Variants in MEGF9 observed in about 807,000 individuals in gnomAD.
MEGF9 encodes the protein multiple EGF like domains 9.
A neutral mutation model predicts 46.8 loss-of-function variants in MEGF9; 6 were observed. The observed-to-expected ratio is 0.13, with a 90% CI of 0.07 to 0.25. The LOEUF (loss-of-function observed/expected upper bound fraction) is 0.25. Ranked by LOEUF, MEGF9 falls within the 10% of genes least tolerant of loss-of-function variation. The pLI is 1.00. For missense variants in MEGF9, 683 were observed against 792.4 expected (o/e 0.86, Z 1.66); for synonymous variants, 302 against 330.7 (o/e 0.91, Z 0.94).
At chr9:120,693,972 G>A (rs996544452) in intron 1 of MEGF9, among the ~76,000 whole-genome samples, 31 of 152,234 alleles carry the variant, frequency 2.0e-4, no homozygotes, top group Middle Eastern at 3.4e-3. Context: ...AGCAGTATGT[G>A]AGGATGTACT....
intron 2 of MEGF9, among the ~76,000 whole-genome samples, chr9:120,645,737 T>C (rs1377997721): frequency 6.6e-6 from 1 of 152,202 alleles, no homozygotes; most frequent in Non-Finnish European, 1.5e-5. Flanking sequence ...CCAATATCTA[T>C]TGTTTGCTAC....
intron 2 of MEGF9, among the ~76,000 whole-genome samples, chr9:120,657,757 T>C (rs1308655207): frequency 3.3e-5 from 5 of 152,166 alleles, no homozygotes; most frequent in Middle Eastern, 6.3e-3. Flanking sequence ...AGTTTTCTCA[T>C]TATAGAATCT....
intron 2 of MEGF9, among the ~76,000 whole-genome samples, chr9:120,628,971 CTTTGT>C (rs2043539144): frequency 6.6e-6 from 1 of 151,468 alleles, no homozygotes; most frequent in Admixed American, 6.6e-5. Flanking sequence ...GTCATGATGA[CTTTGT>C]TTTGTTTTTT....
At chr9:120,607,462 CTTAAA>C (rs1188890144) in intron 5 of MEGF9, among the ~76,000 whole-genome samples, 4 of 152,056 alleles carry the variant, frequency 2.6e-5, no homozygotes, top group African/African-American at 9.7e-5. Flanking sequence ...TGATAGGATT[CTTAAA>C]TTATTAACAT....
intron 3 of MEGF9, among the ~76,000 whole-genome samples, chr9:120,621,288 G>T (rs1438038249): frequency 2.6e-5 from 4 of 152,030 alleles, no homozygotes; most frequent in African/African-American, 4.8e-5. Flanking sequence ...TCTCTTTTTA[G>T]ATCTCCAATT....
At chr9:120,651,647 T>C (rs2132318409) in intron 2 of MEGF9, among the ~76,000 whole-genome samples, 1 of 151,260 alleles carries the variant, frequency 6.6e-6, no homozygotes, top group South Asian at 2.1e-4. Flanking sequence ...TTAAAAGGTA[T>C]AATAGGATTT....
chr9:120,628,166 T>C (rs1375607322), intron 2 of MEGF9, among the ~76,000 whole-genome samples: 3 of 152,228 alleles, frequency 2.0e-5, no homozygotes, highest in African/African-American at 7.2e-5. Context: ...TTAAAAATTC[T>C]TAATTTCATG....
intron 1 of MEGF9, among the ~76,000 whole-genome samples, chr9:120,662,453 CAAT>C (rs1302405421): frequency 6.6e-6 from 1 of 152,196 alleles, no homozygotes; most frequent in African/African-American, 2.4e-5. Context: ...TCTCAAATGA[CAAT>C]AATTTGAAGA....
At chr9:120,665,996 T>C (rs964253539) in intron 1 of MEGF9, among the ~76,000 whole-genome samples, 22 of 152,192 alleles carry the variant, frequency 1.4e-4, no homozygotes, top group African/African-American at 5.3e-4. Flanking sequence ...TTGGTTACTA[T>C]AGTTTTGTAG....
chr9:120,698,096 A>AG (rs751534011), intron 1 of MEGF9, among the ~76,000 whole-genome samples: 4 of 152,364 alleles, frequency 2.6e-5, no homozygotes, highest in African/African-American at 9.6e-5. Context: ...ATAGAAGCCC[A>AG]GGAAGATTAT....
At chr9:120,710,542 T>C (rs1406858416) in intron 1 of MEGF9, among the ~76,000 whole-genome samples, 1 of 151,698 alleles carries the variant, frequency 6.6e-6, no homozygotes, top group Non-Finnish European at 1.5e-5. Flanking sequence ...TGCAGATCAG[T>C]GTCCTTGTAA....
At chr9:120,687,670 C>CTGTG (rs71385077) in intron 1 of MEGF9, among the ~76,000 whole-genome samples, 7,292 of 141,932 alleles carry the variant, frequency 0.051, 226 homozygotes, top group African/African-American at 0.092. Flanking sequence ...GAACACAACA[C>CTGTG]TGTGTGTGTG....
At chr9:120,692,335 C>G (rs1190240323) in intron 1 of MEGF9, among the ~76,000 whole-genome samples, 1 of 152,140 alleles carries the variant, frequency 6.6e-6, no homozygotes, top group Non-Finnish European at 1.5e-5. Context: ...AAATAGGTTT[C>G]AAATGTTTGC....
At chr9:120,629,568 GC>G (rs1288960214) in intron 2 of MEGF9, among the ~76,000 whole-genome samples, 1 of 152,104 alleles carries the variant, frequency 6.6e-6, no homozygotes, top group Non-Finnish European at 1.5e-5. Context: ...AATCTGGGAG[GC>G]GGAGGTTGTT....
intron 2 of MEGF9, among the ~76,000 whole-genome samples, chr9:120,640,833 GTT>G (rs1446379960): frequency 6.6e-6 from 1 of 152,030 alleles, no homozygotes; most frequent in African/African-American, 2.4e-5. Flanking sequence ...CCAATAGGTA[GTT>G]TTTCAACCCT....
At chr9:120,687,422 T>G (rs1255512698) in intron 1 of MEGF9, among the ~76,000 whole-genome samples, 1 of 151,970 alleles carries the variant, frequency 6.6e-6, no homozygotes, top group Admixed American at 6.6e-5. Context: ...CACCTACAAG[T>G]GAAGAAAACA....
chr9:120,612,606 C>A, intron 3 of MEGF9, 67 bp from the exon 4 acceptor site: 2 of 1,406,602 alleles, frequency 1.4e-6, no homozygotes, highest in South Asian at 1.4e-5. Flanking sequence ...TTTCAAAAAT[C>A]ATGCCTGCAA....
At chr9:120,711,844 T>TACAC (rs924373123) in intron 1 of MEGF9, among the ~76,000 whole-genome samples, 101 of 143,570 alleles carry the variant, frequency 7.0e-4, no homozygotes, top group African/African-American at 2.4e-3. Context: ...CATACATACA[T>TACAC]ACACACACAC....
chr9:120,652,842 T>C (rs2043659706), intron 2 of MEGF9, among the ~76,000 whole-genome samples: 1 of 152,226 alleles, frequency 6.6e-6, no homozygotes, highest in Non-Finnish European at 1.5e-5. Context: ...GCACTAGATC[T>C]TTATTCTTCT....
Sources: gnomAD v4.1 joint callset for allele counts (sites outside exome capture counted in the v4.1 genomes callset) on GRCh38, gnomAD v4.1.1 for gene constraint, MANE v1.5 for transcripts, NCBI Gene and HGNC (gene_info 2026-07-23, HGNC 2026-07-21) for gene names.